RAPGEF2: variants seen among roughly 807,000 people sequenced by gnomAD.
RAPGEF2 encodes the protein Rap guanine nucleotide exchange factor 2.
In RAPGEF2, 54 loss-of-function variants were observed where a neutral mutation model predicts 186.7. That is an observed-to-expected ratio of 0.29 (90% confidence interval 0.23 to 0.36). The LOEUF (loss-of-function observed/expected upper bound fraction) is 0.36, where lower values mean the gene tolerates loss of function less well. Ranked by LOEUF, RAPGEF2 falls within the 10% of genes least tolerant of loss-of-function variation. The probability of loss-of-function intolerance (pLI) is 1.00; values close to 1 mark genes in which losing one functional copy is unlikely to be tolerated. For missense variants in RAPGEF2, 1,532 were observed against 2,045.0 expected (o/e 0.75, Z 4.84); for synonymous variants, 712 against 705.9 (o/e 1.01, Z -0.14).
At chr4:159,104,532 G>GAC (rs1560964890) in intron 1 of RAPGEF2, among the ~76,000 whole-genome samples, 1 of 119,118 alleles carries the variant, frequency 8.4e-6, no homozygotes, top group African/African-American at 3.6e-5. Flanking sequence ...GAGAGGGAGA[G>GAC]ACAGAGAGAG....
At chr4:159,200,953 T>C (rs1012919615) in intron 3 of RAPGEF2, among the ~76,000 whole-genome samples, 2 of 152,148 alleles carry the variant, frequency 1.3e-5, no homozygotes, top group South Asian at 2.1e-4. Context: ...TAATAAAATA[T>C]CAGTATTCCA....
In RAPGEF2 at chr4:159,353,006, C is replaced by T. The variant is rs1731421090; in HGVS notation, c.4091+96C>T. The stretch of plus-strand genomic sequence containing the variant: ...CCAGTGTTTGTTTTTATTTATTTTA[C>T]ATAATGCCTAAGAATTTTTCTGCCA... On this transcript the variant is annotated intron_variant, in intron 27 of 29. Transcript: ENST00000691494. This position sits in a 1 kb window ranked among gnomAD's most constrained non-coding sequence, Gnocchi z 4.3. 2.6e-6 allele frequency: 3 copies of T among 1,166,378 alleles called. No homozygotes were observed. The highest frequency in any genetic ancestry group is 2.6e-5 in the East Asian group (1 of 38,612). The allele number at this position is 1,166,378 out of a possible 1,614,324, so 72.3% of individuals were successfully genotyped here.
At chr4:159,116,772 C>T (rs1739095785) in intron 1 of RAPGEF2, among the ~76,000 whole-genome samples, 1 of 152,136 alleles carries the variant, frequency 6.6e-6, no homozygotes, top group Admixed American at 6.5e-5. Flanking sequence ...GAGCTGGAAG[C>T]CATTATCCTC....
chr4:159,283,566 A>G (rs1760026139), intron 7 of RAPGEF2, among the ~76,000 whole-genome samples: 1 of 152,212 alleles, frequency 6.6e-6, no homozygotes. Context: ...AATCATTATC[A>G]GAGAGAAATG....
At chr4:159,263,951 T>C (rs937032743) in intron 7 of RAPGEF2, among the ~76,000 whole-genome samples, 3 of 152,204 alleles carry the variant, frequency 2.0e-5, no homozygotes, top group African/African-American at 7.2e-5. Context: ...TGGATGTTAT[T>C]GACAGGGTAG....
At chr4:159,176,054 G>A (rs1013535004) in intron 1 of RAPGEF2, among the ~76,000 whole-genome samples, 6 of 152,198 alleles carry the variant, frequency 3.9e-5, no homozygotes. Flanking sequence ...AATGGTCAAG[G>A]TGGTAAGAAC....
intron 7 of RAPGEF2, among the ~76,000 whole-genome samples, chr4:159,296,377 A>AT (rs1313749531): frequency 6.6e-6 from 1 of 152,202 alleles, no homozygotes; most frequent in East Asian, 1.9e-4. Context: ...TTTTCATGTG[A>AT]TTTTGAAATT....
At chr4:159,116,146 A>T (rs1167355239) in intron 1 of RAPGEF2, among the ~76,000 whole-genome samples, 1 of 152,234 alleles carries the variant, frequency 6.6e-6, no homozygotes, top group Admixed American at 6.5e-5. Flanking sequence ...CAGAGTGAGC[A>T]GACAACCTAT....
At chr4:159,106,203 A>G (rs1737860963) in intron 1 of RAPGEF2, among the ~76,000 whole-genome samples, 1 of 152,260 alleles carries the variant, frequency 6.6e-6, no homozygotes, top group Admixed American at 6.5e-5. Flanking sequence ...CCAAACCTTC[A>G]TAGAAAAAGT....
At chr4:159,243,245 C>T (rs1754228209) in intron 6 of RAPGEF2, among the ~76,000 whole-genome samples, 1 of 151,684 alleles carries the variant, frequency 6.6e-6, no homozygotes, top group South Asian at 2.1e-4. Context: ...TAATGTGTGA[C>T]ATGTGGTATT....
At chr4:159,205,229 C>G (rs1209094945) in intron 3 of RAPGEF2, among the ~76,000 whole-genome samples, 1 of 152,068 alleles carries the variant, frequency 6.6e-6, no homozygotes, top group African/African-American at 2.4e-5. Flanking sequence ...TGATGGATCT[C>G]CTATCTAATG....
intron 1 of RAPGEF2, among the ~76,000 whole-genome samples, chr4:159,105,174 G>A (rs867649717): frequency 4.6e-5 from 7 of 152,336 alleles, no homozygotes; most frequent in Middle Eastern, 3.4e-3. Flanking sequence ...TTGCTGACTG[G>A]ATAATGACGC....
chr4:159,349,968 G>T (rs528515311), intron 25 of RAPGEF2, among the ~76,000 whole-genome samples, 169 bp from the exon 26 acceptor site: 1 of 152,166 alleles, frequency 6.6e-6, no homozygotes, highest in Non-Finnish European at 1.5e-5. Context: ...ACTTCTGTAG[G>T]CACTTACTGT....
At chr4:159,325,570 G>A (rs1436499042) in intron 11 of RAPGEF2, among the ~76,000 whole-genome samples, 1 of 151,526 alleles carries the variant, frequency 6.6e-6, no homozygotes, top group Non-Finnish European at 1.5e-5. Flanking sequence ...GAGTTAGAGT[G>A]TGTGTCCTTG....
chr4:159,355,464 A>G (rs1002590641), intron 28 of RAPGEF2, among the ~76,000 whole-genome samples: 2 of 152,180 alleles, frequency 1.3e-5, no homozygotes, highest in African/African-American at 4.8e-5. Context: ...ACCAAGCACA[A>G]ACAGGTTCTA....
rs574870204 is a variant in RAPGEF2 at position 159,188,171 on chromosome 4, T to C, written c.140+1459T>C. ...AGAAAAAATTGTACTAACAATTATTTAATTGCGTGCGGTTAATTCATAAAT... is the reference window on the plus strand; with the variant it reads ...AGAAAAAATTGTACTAACAATTATTCAATTGCGTGCGGTTAATTCATAAAT... On this transcript the variant is annotated intron_variant, in intron 2 of 29. Coordinates refer to ENST00000691494, the MANE Select transcript of RAPGEF2 (RefSeq NM_001394067.2). Among the ~76,000 whole-genome samples the C allele has an allele frequency of 2.0e-5, 3 of 152,314 alleles. No individual in the cohort carries two copies. The South Asian group carries it at 6.2e-4, about 32-fold the overall frequency.
Position 159,345,030 on chromosome 4 carries a change from C to T in RAPGEF2, c.3279-76C>T, listed in dbSNP as rs1045253688. ...CCTTTTGAACATAGACTATTAATAT[C>T]AGTCTTGGCACATTTTAAATAGATA... is the stretch of plus-strand genomic sequence containing the variant. On this transcript the variant is annotated intron_variant, in intron 23 of 29. Coordinates refer to ENST00000691494, the MANE Select transcript of RAPGEF2 (RefSeq NM_001394067.2). The T allele has an allele frequency of 5.1e-6, 6 of 1,179,224 alleles. No individual in the cohort carries two copies. In the Admixed American group the frequency reaches 1.1e-4, roughly 21 times the overall value. The allele number at this position is 1,179,224 out of a possible 1,614,324, so 73.0% of individuals were successfully genotyped here.
chr4:159,272,950 G>C (rs1436084333), intron 7 of RAPGEF2, among the ~76,000 whole-genome samples: 1 of 152,170 alleles, frequency 6.6e-6, no homozygotes, highest in African/African-American at 2.4e-5. Flanking sequence ...AACAAAAAAT[G>C]TGTTATATTA....
chr4:159,111,488 C>A (rs1324386382), intron 1 of RAPGEF2, among the ~76,000 whole-genome samples: 1 of 152,242 alleles, frequency 6.6e-6, no homozygotes, highest in Non-Finnish European at 1.5e-5. Context: ...CCCCTTGGCA[C>A]CTTTCTGTTC....
Sources: gnomAD v4.1 joint callset for allele counts (sites outside exome capture counted in the v4.1 genomes callset) on GRCh38, gnomAD v4.1.1 for gene constraint, Gnocchi (gnomAD v3.1) non-coding constraint, MANE v1.5 for transcripts, NCBI Gene and HGNC (gene_info 2026-07-23, HGNC 2026-07-21) for gene names.